Variants in LRRC7 observed in about 807,000 individuals in gnomAD.
LRRC7 encodes leucine rich repeat containing 7.
Under a neutral mutation model 175.7 loss-of-function variants are expected in LRRC7, and 23 were observed. The ratio of observed to expected loss-of-function variants is 0.13; its 90% CI spans 0.09 to 0.19. LRRC7 has a LOEUF of 0.19. LRRC7 is among the 10% of genes least tolerant of loss of function. The probability of loss-of-function intolerance (pLI) is 1.00; values close to 1 mark genes in which losing one functional copy is unlikely to be tolerated. For missense variants in LRRC7, 1,354 were observed against 1,904.7 expected (o/e 0.71, Z 5.38); for synonymous variants, 685 against 680.9 (o/e 1.01, Z -0.09).
chr1:70,011,723 T>G (rs910843083), intron 11 of LRRC7, 74 bp from the exon 12 acceptor site: 9 of 1,020,838 alleles, frequency 8.8e-6, no homozygotes, highest in Admixed American at 6.2e-5. Flanking sequence ...TGGTGAATTT[T>G]GGATATGTGG....
At chr1:69,962,835 T>C (rs1160456413) in intron 8 of LRRC7, among the ~76,000 whole-genome samples, 1 of 151,226 alleles carries the variant, frequency 6.6e-6, no homozygotes, top group Non-Finnish European at 1.5e-5. Context: ...GGACAGAGGG[T>C]GGGAGGCGGG....
At chr1:69,665,253 C>A (rs1200073663) in intron 1 of LRRC7, among the ~76,000 whole-genome samples, 1 of 151,948 alleles carries the variant, frequency 6.6e-6, no homozygotes, top group Non-Finnish European at 1.5e-5. Context: ...CCTTCAGTTT[C>A]CTTCTTTTGC....
chr1:69,915,310 G>T (rs910569290), intron 7 of LRRC7, among the ~76,000 whole-genome samples: 1 of 152,122 alleles, frequency 6.6e-6, no homozygotes, highest in African/African-American at 2.4e-5. Flanking sequence ...AAATGAGGAT[G>T]ATCTAATCTA....
chr1:69,575,801 A>G (rs1050629463), intron 1 of LRRC7, among the ~76,000 whole-genome samples: 6 of 152,150 alleles, frequency 3.9e-5, no homozygotes, highest in African/African-American at 9.7e-5. Context: ...TCTCACCAAA[A>G]AACAAGGAGG....
chr1:70,050,915 AAGGAAATTGCTTTC>A (rs1660700097), intron 22 of LRRC7, among the ~76,000 whole-genome samples: 1 of 152,018 alleles, frequency 6.6e-6, no homozygotes. Flanking sequence ...GTATTCTTAA[AAGGAAATTGCTTTC>A]AGGAATTTCC....
intron 8 of LRRC7, among the ~76,000 whole-genome samples, chr1:69,943,949 A>AACACAC (rs55900412): frequency 0.01 from 1,499 of 145,448 alleles, 10 homozygotes; most frequent in East Asian, 0.025. Context: ...TATCATGGTA[A>AACACAC]ACACACACAC....
intron 25 of LRRC7, among the ~76,000 whole-genome samples, chr1:70,098,833 C>T (rs901708948): frequency 2.0e-5 from 3 of 151,372 alleles, no homozygotes; most frequent in Admixed American, 1.3e-4. Flanking sequence ...TAATCAATAG[C>T]TTACCAACCA....
At chr1:69,927,916 G>A (rs1647139067) in intron 7 of LRRC7, among the ~76,000 whole-genome samples, 1 of 152,110 alleles carries the variant, frequency 6.6e-6, no homozygotes, top group African/African-American at 2.4e-5. Context: ...TTTCTGCTCT[G>A]TTTTTTCCCC....
chr1:69,588,804 T>C (rs936546488), intron 1 of LRRC7, among the ~76,000 whole-genome samples: 1 of 152,210 alleles, frequency 6.6e-6, no homozygotes, highest in Admixed American at 6.5e-5. Flanking sequence ...CAAATTCTGA[T>C]GTGACAAAAT....
chr1:70,105,289 C>T (rs1003583635), intron 25 of LRRC7, among the ~76,000 whole-genome samples: 59 of 152,092 alleles, frequency 3.9e-4, no homozygotes, highest in African/African-American at 2.4e-5. Flanking sequence ...AATTGGCCAA[C>T]GCTGTTAAAG....
rs999628459 is a variant in LRRC7, at chr1:70,106,660, A to G, written c.4546-1092A>G. On this transcript the variant is annotated intron_variant, in intron 25 of 26. Coordinates refer to ENST00000651989, the MANE Select transcript of LRRC7 (RefSeq NM_001370785.2). ...GGCCATCTTAATCTTGCCCTAACCTACTTTTTGGCCTGATCCTCTGCTGCG... is the reference window on the plus strand; with the variant it reads ...GGCCATCTTAATCTTGCCCTAACCTGCTTTTTGGCCTGATCCTCTGCTGCG... 2.6e-5 allele frequency among the ~76,000 whole-genome samples: 4 copies of G among 152,104 alleles called. No individual in the cohort carries two copies. The South Asian group carries it at 8.3e-4, about 31-fold the overall frequency.
chr1:69,869,482 T>C (rs1376402186), intron 7 of LRRC7, among the ~76,000 whole-genome samples: 1 of 152,086 alleles, frequency 6.6e-6, no homozygotes, highest in East Asian at 1.9e-4. Context: ...TCCAATTACA[T>C]TACCTGAAAT....
intron 2 of LRRC7, among the ~76,000 whole-genome samples, chr1:69,701,253 C>T (rs911037956): frequency 6.6e-6 from 1 of 152,118 alleles, no homozygotes; most frequent in African/African-American, 2.4e-5. Context: ...TCAGATGTTA[C>T]AGGCTCATTG....
At chr1:69,838,954 G>A (rs1284108140) in intron 7 of LRRC7, 1 of 165,756 alleles carries the variant, frequency 6.0e-6, no homozygotes, top group East Asian at 1.8e-4. Context: ...ATTTTTGAAA[G>A]TCAAAATGGG....
At position 70,126,856 on chromosome 1, in the gene LRRC7, G is replaced by A. The variant is rs978259179; in HGVS notation, c.*4969G>A. ...TTCTGGGGGCATTTCTGTTTCTAGC[G>A]TGTAAAACTGACCTGTCTTCATTGC... is the stretch of plus-strand genomic sequence containing the variant. On this transcript the variant is annotated 3_prime_UTR_variant, in exon 27 of 27. Coordinates refer to ENST00000651989, the MANE Select transcript of LRRC7 (RefSeq NM_001370785.2). Among the ~76,000 whole-genome samples the A allele has an allele frequency of 5.9e-5, 9 of 152,140 alleles. No homozygotes were observed. Among genetic ancestry groups the A allele is most frequent in the Non-Finnish European group, 7.4e-5 (5 of 68,022 alleles).
chr1:69,933,687 A>G (rs1288540702), intron 8 of LRRC7, among the ~76,000 whole-genome samples: 6 of 152,190 alleles, frequency 3.9e-5, no homozygotes, highest in Non-Finnish European at 8.8e-5. Context: ...TCTGTCAGGT[A>G]TATTATTCTG....
In LRRC7 at chr1:69,895,243, A is replaced by G. The variant is rs998814919; in HGVS notation, c.648-36264A>G. Among the ~76,000 whole-genome samples, 16 of 152,132 alleles carry G rather than the reference A, an allele frequency of 1.1e-4. 1 individual carries two copies. The highest frequency in any genetic ancestry group is 9.2e-4 in the Admixed American group (14 of 15,256). On this transcript the variant is annotated intron_variant, in intron 7 of 26. Transcript: ENST00000651989. ...GTGAAACTCCATCTCAAAAAAAACA[A>G]TTATTAAGAAGGTGGATCTCACGTT...
In LRRC7 at chr1:70,123,369, T is replaced by G. The variant is rs1024655770; in HGVS notation, c.*1482T>G. ...TATTGTATGAGGATTTTCACAATAG[T>G]ATCACTGAATGATGTCACCAGAGCT... is the stretch of plus-strand genomic sequence containing the variant. On this transcript the variant is annotated 3_prime_UTR_variant, in exon 27 of 27. Transcript: ENST00000651989. 2 of 152,176 alleles carry G rather than the reference T, an allele frequency of 1.3e-5. No homozygotes were observed. The highest frequency in any genetic ancestry group is 4.8e-5 in the African/African-American group (2 of 41,456). The allele number at this position is 152,176 out of a possible 1,614,324, so 9.4% of individuals were successfully genotyped here. A position where few individuals can be genotyped will look rare whatever the true frequency, so the allele number is the denominator to read the frequency against.
intron 1 of LRRC7, among the ~76,000 whole-genome samples, chr1:69,572,499 A>G (rs931288543): frequency 6.6e-6 from 1 of 152,128 alleles, no homozygotes; most frequent in Non-Finnish European, 1.5e-5. Flanking sequence ...TAAATCAACA[A>G]TGTTTGAATG....
Sources: gnomAD v4.1 joint callset for allele counts (sites outside exome capture counted in the v4.1 genomes callset) on GRCh38, gnomAD v4.1.1 for gene constraint, MANE v1.5 for transcripts, NCBI Gene and HGNC (gene_info 2026-07-23, HGNC 2026-07-21) for gene names.